IKBKB: variants seen among roughly 807,000 people sequenced by gnomAD.
The protein encoded by IKBKB is inhibitor of nuclear factor kappa-B kinase subunit beta.
IKBKB carries 42 observed loss-of-function variants against 113.6 expected under a neutral mutation model. The observed-to-expected ratio is 0.37, with a 90% confidence interval of 0.29 to 0.48. The LOEUF (loss-of-function observed/expected upper bound fraction) is 0.48, where lower values mean the gene tolerates loss of function less well. IKBKB is among the 20% of genes least tolerant of loss of function. The pLI is 0.99. For missense variants in IKBKB, 673 were observed against 939.7 expected (o/e 0.72, Z 3.71); for synonymous variants, 296 against 361.3 (o/e 0.82, Z 2.05).
At chr8:42,289,207 T>C (rs1437425608) in intron 3 of IKBKB, among the ~76,000 whole-genome samples, 1 of 152,016 alleles carries the variant, frequency 6.6e-6, no homozygotes, top group Non-Finnish European at 1.5e-5. Flanking sequence ...AGAGCGAGAC[T>C]CCGTCTAAAA....
At chr8:42,304,790 T>G (rs1286855060) in intron 5 of IKBKB, among the ~76,000 whole-genome samples, 3 of 152,196 alleles carry the variant, frequency 2.0e-5, no homozygotes, top group Non-Finnish European at 2.9e-5. Context: ...CTCAAAACTT[T>G]ATTGGCGTCA....
At position 42,271,334 on chromosome 8, in the gene IKBKB, C is replaced by G. The variant is rs2272731; in HGVS notation, c.-154C>G. 1.7e-6 allele frequency: 2 copies of G among 1,151,782 alleles called. No homozygotes were observed. The highest frequency in any genetic ancestry group is 2.6e-5 in the East Asian group (1 of 39,094). The allele number at this position is 1,151,782 out of a possible 1,614,324, so 71.3% of individuals were successfully genotyped here. A position where few individuals can be genotyped will look rare whatever the true frequency, so the allele number is the denominator to read the frequency against. On this transcript the variant is annotated 5_prime_UTR_variant, in exon 1 of 22. Transcript: ENST00000520810. ...CAGAGCAGGAAGTGTTTGAGGAAGT[C>G]GCGCCGCGCTGCCCGCGTTAAGATT...
intron 4 of IKBKB, among the ~76,000 whole-genome samples, chr8:42,291,446 G>T (rs573898587): frequency 9.2e-5 from 14 of 152,338 alleles, no homozygotes; most frequent in African/African-American, 3.4e-4. Context: ...CTCCCAAAGT[G>T]CTGGGATTAC....
In IKBKB at chr8:42,329,134, G is replaced by C. The variant is rs201615746; in HGVS notation, c.2125G>C (p.Val709Leu). The change falls in exon 21 of 22, where the codon GTG (valine) becomes CTG (leucine). Residue 709 changes from valine (V) to leucine (L), a missense_variant. Transcript: ENST00000520810. ...PEPAKKSEEL[V>L]AEAHNLCTLL... ...GATCATTTTCTTTAGTGAAGAACTG[G>C]TGGCTGAAGCACATAACCTCTGCAC... The C allele has an allele frequency of 1.6e-5, 25 of 1,602,712 alleles. No individual in the cohort carries two copies. The highest frequency in any genetic ancestry group is 8.5e-7 in the Non-Finnish European group (1 of 1,176,152).
intron 8 of IKBKB, among the ~76,000 whole-genome samples, chr8:42,312,377 T>C (rs1244716429): frequency 6.6e-6 from 1 of 152,220 alleles, no homozygotes; most frequent in African/African-American, 2.4e-5. Flanking sequence ...AGAGCTTCCC[T>C]CATCAGTGCT....
chr8:42,271,785 C>T (rs911174193), intron 1 of IKBKB: 6 of 512,236 alleles, frequency 1.2e-5, no homozygotes, highest in Non-Finnish European at 2.0e-5. Context: ...CCCGGGCGCC[C>T]CTGGTGGAGT....
intron 20 of IKBKB, 101 bp downstream of exon 20, chr8:42,326,198 A>G (rs1820708346): frequency 7.2e-7 from 1 of 1,389,594 alleles, no homozygotes; most frequent in Non-Finnish European, 9.9e-7. Context: ...TGATGGTATT[A>G]CCACCTCTCT....
At chr8:42,304,178 T>C (rs1816025954) in intron 5 of IKBKB, among the ~76,000 whole-genome samples, 1 of 152,234 alleles carries the variant, frequency 6.6e-6, no homozygotes, top group Non-Finnish European at 1.5e-5. Flanking sequence ...CTAAATTTTA[T>C]CCAGTGTTTA....
At chr8:42,329,464 A>G in intron 21 of IKBKB, 1 of 885,800 alleles carries the variant, frequency 1.1e-6, no homozygotes, top group Non-Finnish European at 1.4e-6. Context: ...CTGGGACTAC[A>G]GGCGTGCGTC....
chr8:42,319,007 C>G, intron 13 of IKBKB: 1 of 560,892 alleles, frequency 1.8e-6, no homozygotes, highest in South Asian at 2.2e-5. Context: ...CTTACGGACT[C>G]TTTCCTCATT....
chr8:42,331,040 G>T lies in IKBKB; in HGVS notation c.*61G>T. On this transcript the variant is annotated 3_prime_UTR_variant, in exon 22 of 22. Coordinates refer to ENST00000520810, the MANE Select transcript of IKBKB (RefSeq NM_001556.3). ...CATAGCAGGCCTTGTGCAGTGGGGG[G>T]ACTCGACCCCCTGACATGGGGCTGC... 1.3e-6 allele frequency: 2 copies of T among 1,595,016 alleles called. No individual in the cohort carries two copies. The highest frequency in any genetic ancestry group is 1.1e-5 in the South Asian group (1 of 89,998).
intron 5 of IKBKB, among the ~76,000 whole-genome samples, chr8:42,295,221 C>T (rs767101558): frequency 1.0e-4 from 15 of 149,222 alleles, no homozygotes; most frequent in Non-Finnish European, 1.9e-4. Context: ...TGGGTCCAAG[C>T]GATTCTCCTC....
chr8:42,298,147 C>G lies in IKBKB; in HGVS notation c.388+4635C>G, dbSNP rs17875687. The stretch of plus-strand genomic sequence containing the variant: ...TTTGGAAAACATTGGCATGTGTTTT[C>G]TTTTGTCAAGGGAGGCTCAAAATTC... On this transcript the variant is annotated intron_variant, in intron 5 of 21. Transcript: ENST00000520810. 2,632 of 985,408 alleles carry G rather than the reference C, an allele frequency of 2.7e-3. 63 individuals carry two copies. The African/African-American group carries it at 0.044, about 16-fold the overall frequency. 61.0% of individuals were successfully genotyped at this position (985,408 alleles called of 1,614,324 possible). A position where few individuals can be genotyped will look rare whatever the true frequency, so the allele number is the denominator to read the frequency against.
intron 2 of IKBKB, among the ~76,000 whole-genome samples, chr8:42,281,417 A>G (rs1442690875): frequency 2.6e-5 from 4 of 152,072 alleles, no homozygotes; most frequent in South Asian, 4.1e-4. Flanking sequence ...TGCTTGTACC[A>G]TGGGCTTCTA....
chr8:42,303,096 A>C (rs1329994184), intron 5 of IKBKB, among the ~76,000 whole-genome samples: 1 of 132,552 alleles, frequency 7.5e-6, no homozygotes, highest in Non-Finnish European at 1.5e-5. Flanking sequence ...AGAGAATGAG[A>C]GAGAGAGAGA....
intron 19 of IKBKB, among the ~76,000 whole-genome samples, chr8:42,322,705 A>G (rs1035689717): frequency 6.6e-5 from 10 of 152,176 alleles, no homozygotes; most frequent in African/African-American, 2.2e-4. Flanking sequence ...TCATCTGTGT[A>G]TTACTTTCGT....
chr8:42,276,925 G>T (rs1809252640), intron 2 of IKBKB, among the ~76,000 whole-genome samples: 1 of 145,692 alleles, frequency 6.9e-6, no homozygotes, highest in African/African-American at 2.6e-5. Flanking sequence ...GGAGTGCAGT[G>T]GTGTGATCTC....
chr8:42,325,796 G>A (rs1486673548), intron 19 of IKBKB, 174 bp from the exon 20 acceptor site: 52 of 1,453,372 alleles, frequency 3.6e-5, no homozygotes, highest in Non-Finnish European at 4.7e-5. Context: ...AAACACTTTT[G>A]AAGCCAGATG....
chr8:42,330,732 A>G (rs1409892681), intron 21 of IKBKB, 182 bp from the exon 22 acceptor site: 1 of 791,794 alleles, frequency 1.3e-6, no homozygotes, highest in Non-Finnish European at 1.5e-6. Flanking sequence ...CTGGTCTCGA[A>G]CTCCTGACCT....
Sources: allele counts gnomAD v4.1 joint callset (sites outside exome capture counted in the v4.1 genomes callset), GRCh38; gene constraint gnomAD v4.1.1; transcripts MANE v1.5; gene names NCBI Gene and HGNC (gene_info 2026-07-23, HGNC 2026-07-21).